Variants in SULF1 observed in about 807,000 individuals in gnomAD.
SULF1 encodes sulfatase 1.
In SULF1, 46 loss-of-function variants were observed where a neutral mutation model predicts 110.5. The observed-to-expected ratio is 0.42, with a 90% CI of 0.33 to 0.53. The LOEUF is 0.53. SULF1 is among the 20% of genes least tolerant of loss of function. The pLI is 0.12. For missense variants in SULF1, 941 were observed against 1,094.2 expected (o/e 0.86, Z 1.98); for synonymous variants, 371 against 387.1 (o/e 0.96, Z 0.49).
intron 8 of SULF1, chr8:69,592,907 G>A: frequency 1.0e-6 from 1 of 987,260 alleles, no homozygotes; most frequent in Non-Finnish European, 1.2e-6. Context: ...CTCACACCTG[G>A]CCATTCCAAT....
intron 22 of SULF1, chr8:69,642,099 A>G: frequency 2.1e-6 from 1 of 478,400 alleles, no homozygotes; most frequent in Non-Finnish European, 2.7e-6. Flanking sequence ...AACATCCGTC[A>G]AAGAAATGTG....
At chr8:69,525,896 T>A (rs1351496088) in intron 3 of SULF1, among the ~76,000 whole-genome samples, 1 of 152,138 alleles carries the variant, frequency 6.6e-6, no homozygotes, top group Non-Finnish European at 1.5e-5. Context: ...GGAGACTGCC[T>A]CTTTAGAGGT....
chr8:69,548,601 C>T (rs969126203), intron 3 of SULF1, among the ~76,000 whole-genome samples: 2 of 150,198 alleles, frequency 1.3e-5, no homozygotes, highest in African/African-American at 5.0e-5. Flanking sequence ...GCATGCACCA[C>T]CATGCCTCGC....
At chr8:69,602,774 T>C (rs923601872) in intron 10 of SULF1, among the ~76,000 whole-genome samples, 2 of 152,264 alleles carry the variant, frequency 1.3e-5, no homozygotes, top group African/African-American at 2.4e-5. Context: ...GAAGGCTTTA[T>C]GTTTTAAGGA....
At chr8:69,585,823 A>T (rs546696047) in intron 6 of SULF1, among the ~76,000 whole-genome samples, 83 of 152,370 alleles carry the variant, frequency 5.4e-4, no homozygotes, top group African/African-American at 1.9e-3. Context: ...CATATCCCAT[A>T]AAAATGGAGT....
At chr8:69,492,808 C>T (rs1452614035), upstream of SULF1, 1 of 152,288 alleles carries the variant, frequency 6.6e-6, no homozygotes, top group African/African-American at 2.4e-5. Flanking sequence ...GATAATAATA[C>T]GCGGGCTTAT....
At chr8:69,636,801 G>C (rs1811068466) in intron 19 of SULF1, among the ~76,000 whole-genome samples, 1 of 152,148 alleles carries the variant, frequency 6.6e-6, no homozygotes, top group African/African-American at 2.4e-5. Flanking sequence ...GTTGACCGAT[G>C]CCGGCTGCAG....
In SULF1 at chr8:69,643,772, A is replaced by G. The variant is rs145542891; in HGVS notation, c.2585+2931A>G. Among the ~76,000 whole-genome samples the G allele has an allele frequency of 1.4e-3, 215 of 152,294 alleles. 6 individuals carry two copies. In the South Asian group the frequency reaches 0.032, roughly 23 times the overall value. ...TGCATACTCACCCTGGTCATTTTCC[A>G]GTTAGGACAAGCTCAAAGGGAGAGC... On this transcript the variant is annotated intron_variant, in intron 22 of 22. Coordinates refer to ENST00000402687, the MANE Select transcript of SULF1 (RefSeq NM_001128205.2).
chr8:69,602,539 A>G (rs1192765640), intron 10 of SULF1, among the ~76,000 whole-genome samples: 1 of 152,258 alleles, frequency 6.6e-6, no homozygotes, highest in Non-Finnish European at 1.5e-5. Flanking sequence ...CAGTGAAGCT[A>G]GGCAGACAGC....
At chr8:69,494,967 A>G (rs1273078607) in intron 1 of SULF1, among the ~76,000 whole-genome samples, 2 of 152,028 alleles carry the variant, frequency 1.3e-5, no homozygotes, top group East Asian at 3.9e-4. Context: ...GGTGGACAAT[A>G]GGGCGCAGAT....
intron 2 of SULF1, among the ~76,000 whole-genome samples, chr8:69,496,296 G>A (rs1270276978): frequency 6.6e-6 from 1 of 152,296 alleles, no homozygotes; most frequent in African/African-American, 2.4e-5. Context: ...GATTTAAAAA[G>A]CTATTTCCAC....
chr8:69,505,213 T>A (rs1329890862), intron 3 of SULF1, among the ~76,000 whole-genome samples: 1 of 152,220 alleles, frequency 6.6e-6, no homozygotes, highest in East Asian at 1.9e-4. Flanking sequence ...CAATTAAATT[T>A]CACAGCTTGG....
At chr8:69,574,799 G>A (rs967938606) in intron 5 of SULF1, among the ~76,000 whole-genome samples, 2 of 152,152 alleles carry the variant, frequency 1.3e-5, no homozygotes, top group South Asian at 2.1e-4. Flanking sequence ...GCTCCTAGCC[G>A]AGGCATATTT....
chr8:69,481,845 C>T (rs1809533209), intron 1 of SULF1, among the ~76,000 whole-genome samples: 1 of 152,162 alleles, frequency 6.6e-6, no homozygotes, highest in Non-Finnish European at 1.5e-5. Flanking sequence ...ATACATTAGA[C>T]ACTTCTATAA....
intron 14 of SULF1, among the ~76,000 whole-genome samples, chr8:69,621,862 C>T (rs1364967899): frequency 1.3e-5 from 2 of 152,156 alleles, no homozygotes; most frequent in East Asian, 1.9e-4. Flanking sequence ...TGAAAATCCA[C>T]GGGCTGACAC....
intron 5 of SULF1, among the ~76,000 whole-genome samples, chr8:69,574,223 A>G (rs1805441935): frequency 6.6e-6 from 1 of 152,064 alleles, no homozygotes; most frequent in African/African-American, 2.4e-5. Flanking sequence ...TATCACATCC[A>G]GTATCTCTGC....
At chr8:69,591,515 G>A (rs1806901731) in intron 8 of SULF1, among the ~76,000 whole-genome samples, 2 of 151,250 alleles carry the variant, frequency 1.3e-5, no homozygotes, top group Non-Finnish European at 2.9e-5. Context: ...AGTGAGCCGA[G>A]ATCGCACCAC....
At chr8:69,656,395 T>C (rs1812736176) in intron 22 of SULF1, among the ~76,000 whole-genome samples, 1 of 152,224 alleles carries the variant, frequency 6.6e-6, no homozygotes, top group Non-Finnish European at 1.5e-5. Flanking sequence ...GCTATGGTGG[T>C]TTGCTGCACC....
chr8:69,506,276 C>T (rs1244702120), intron 3 of SULF1, among the ~76,000 whole-genome samples: 1 of 152,014 alleles, frequency 6.6e-6, no homozygotes, highest in Non-Finnish European at 1.5e-5. Flanking sequence ...TACCTCCCTT[C>T]ACGTAGCCAT....
Sources: allele counts gnomAD v4.1 joint callset (sites outside exome capture counted in the v4.1 genomes callset), GRCh38; gene constraint gnomAD v4.1.1; transcripts MANE v1.5; gene names NCBI Gene and HGNC (gene_info 2026-07-23, HGNC 2026-07-21).